LARGE1: variants seen among roughly 807,000 people sequenced by gnomAD.
The protein encoded by LARGE1 is LARGE xylosyl- and glucuronyltransferase 1.
LARGE1 carries 43 observed loss-of-function variants against 87.6 expected under a neutral mutation model. The observed-to-expected ratio is 0.49, with a 90% CI of 0.38 to 0.63. The LOEUF (loss-of-function observed/expected upper bound fraction) is 0.63, where lower values mean the gene tolerates loss of function less well. Among genes scored for constraint, LARGE1 ranks in the 30% least tolerant of loss-of-function variants. The pLI is 0.00. For missense variants in LARGE1, 802 were observed against 1,000.2 expected (o/e 0.80, Z 2.67); for synonymous variants, 434 against 394.6 (o/e 1.10, Z -1.18).
intron 2 of LARGE1, among the ~76,000 whole-genome samples, chr22:33,659,968 G>C (rs1348361829): frequency 6.6e-6 from 1 of 151,968 alleles, no homozygotes; most frequent in Admixed American, 6.6e-5. Context: ...CTATACCTGG[G>C]TTTAGACTAC....
intron 1 of LARGE1, among the ~76,000 whole-genome samples, chr22:33,794,888 G>A (rs1370024099): frequency 6.7e-6 from 1 of 149,712 alleles, no homozygotes; most frequent in Non-Finnish European, 1.5e-5. Context: ...CCAAAGTGCT[G>A]GGATTACCAT....
At chr22:33,402,354 C>T (rs149904471) in intron 7 of LARGE1, among the ~76,000 whole-genome samples, 571 of 152,272 alleles carry the variant, frequency 3.7e-3, no homozygotes, top group Non-Finnish European at 6.0e-3. Context: ...GGTCAGGAAG[C>T]TTATGCAGTG....
intron 1 of LARGE1, among the ~76,000 whole-genome samples, chr22:33,851,208 T>C (rs1231135512): frequency 1.3e-5 from 2 of 152,190 alleles, no homozygotes; most frequent in Non-Finnish European, 1.5e-5. Context: ...ACCTAACAAT[T>C]GGACTTGTTA....
At chr22:33,115,004 G>A in the LARGE1 span, among the ~76,000 whole-genome samples, 1 of 152,038 alleles carries the variant, frequency 6.6e-6, no homozygotes, top group Admixed American at 6.6e-5. Context: ...CTATGTGAAG[G>A]GTCTTGGTGT....
chr22:33,504,141 C>A (rs1474868117), intron 6 of LARGE1, among the ~76,000 whole-genome samples: 1 of 152,206 alleles, frequency 6.6e-6, no homozygotes, highest in Admixed American at 6.5e-5. Context: ...TGAGGACTGG[C>A]TGCTAATGGA....
At chr22:33,593,596 T>C (rs2078903486) in intron 5 of LARGE1, among the ~76,000 whole-genome samples, 1 of 152,294 alleles carries the variant, frequency 6.6e-6, no homozygotes, top group East Asian at 1.9e-4. Flanking sequence ...TTCCATACCT[T>C]GTCCACAGCC....
intron 5 of LARGE1, among the ~76,000 whole-genome samples, chr22:33,594,584 C>A (rs746517122): frequency 5.9e-5 from 9 of 152,148 alleles, no homozygotes; most frequent in Non-Finnish European, 1.3e-4. Flanking sequence ...GTCATTATAA[C>A]CACACTCTTG....
chr22:33,814,803 A>G (rs2086602216), intron 1 of LARGE1, among the ~76,000 whole-genome samples: 1 of 152,112 alleles, frequency 6.6e-6, no homozygotes. Flanking sequence ...ACCCTGACTG[A>G]TACTAACATA....
intron 11 of LARGE1, among the ~76,000 whole-genome samples, chr22:33,229,565 A>G (rs1158728567): frequency 6.6e-6 from 1 of 152,188 alleles, no homozygotes; most frequent in East Asian, 1.9e-4. Context: ...GTAAACTGGA[A>G]GATAAACATA....
the LARGE1 span, among the ~76,000 whole-genome samples, chr22:33,109,630 T>A: frequency 2.0e-5 from 3 of 152,336 alleles, no homozygotes; most frequent in African/African-American, 7.2e-5. Flanking sequence ...CACTTATGGA[T>A]ATAGTTTCAA....
intron 2 of LARGE1, among the ~76,000 whole-genome samples, chr22:33,719,712 G>A (rs752906036): frequency 6.6e-6 from 1 of 151,864 alleles, no homozygotes; most frequent in African/African-American, 2.4e-5. Context: ...AGTAGAGATG[G>A]GGTTTCACCA....
Position 33,490,627 on chromosome 22 carries a change from T to C in LARGE1, c.788-58362A>G, listed in dbSNP as rs144446879. On this transcript the variant is annotated intron_variant, in intron 6 of 14. Transcript: ENST00000397394. ...TCCAACTAGAGTCAGATCAATCTGATAGTGGATGCCATAGTACCTGGGAAT... is the reference window on the plus strand; with the variant it reads ...TCCAACTAGAGTCAGATCAATCTGACAGTGGATGCCATAGTACCTGGGAAT... 3.3e-5 allele frequency among the ~76,000 whole-genome samples: 5 copies of C among 152,334 alleles called. No individual in the cohort carries two copies. In the South Asian group the frequency reaches 8.3e-4, roughly 25 times the overall value.
intron 2 of LARGE1, among the ~76,000 whole-genome samples, chr22:33,744,648 T>G (rs537602631): frequency 6.6e-6 from 1 of 152,330 alleles, no homozygotes; most frequent in South Asian, 2.1e-4. Flanking sequence ...GGGGACACAC[T>G]TGGACTTCTG....
At chr22:33,115,428 C>G in the LARGE1 span, among the ~76,000 whole-genome samples, 2 of 145,050 alleles carry the variant, frequency 1.4e-5, no homozygotes, top group South Asian at 4.4e-4. Context: ...CCTGCCTGGG[C>G]GATAGAGTGA....
downstream of LARGE1, among the ~76,000 whole-genome samples, chr22:33,268,760 T>C (rs755188700): frequency 6.6e-6 from 1 of 152,102 alleles, no homozygotes; most frequent in Non-Finnish European, 1.5e-5. Flanking sequence ...AGGTAGAAAA[T>C]AATCACTTTC....
rs1384925054 is a variant in LARGE1, at chr22:33,285,691, C to A, written c.1731-2343G>T. On this transcript the variant is annotated intron_variant, in intron 12 of 14. Coordinates refer to ENST00000397394, the MANE Select transcript of LARGE1 (RefSeq NM_133642.5). ...GCTGTATTATTAAAGTCACTTCACT[C>A]AACCAGACGTTGAGCCTGTGCATTA... Among the ~76,000 whole-genome samples, 6 of 152,244 alleles carry A rather than the reference C, an allele frequency of 3.9e-5. No individual in the cohort carries two copies. In the East Asian group the frequency reaches 1.2e-3, roughly 29 times the overall value.
At chr22:33,429,233 A>G (rs2066995126) in intron 7 of LARGE1, among the ~76,000 whole-genome samples, 1 of 152,180 alleles carries the variant, frequency 6.6e-6, no homozygotes, top group Admixed American at 6.5e-5. Context: ...CCTTGGTTTT[A>G]AAGCGACACA....
At chr22:33,799,214 C>T (rs1390651452) in intron 1 of LARGE1, among the ~76,000 whole-genome samples, 3 of 152,010 alleles carry the variant, frequency 2.0e-5, no homozygotes, top group Non-Finnish European at 4.4e-5. Context: ...CCTGCAATCC[C>T]GTGGGTAGGA....
intron 2 of LARGE1, among the ~76,000 whole-genome samples, chr22:33,671,578 C>T (rs181848582): frequency 2.6e-4 from 40 of 152,254 alleles, no homozygotes; most frequent in African/African-American, 8.2e-4. Context: ...GAGCTAGAAC[C>T]GTTCATTCTC....
Sources: allele counts gnomAD v4.1 joint callset (sites outside exome capture counted in the v4.1 genomes callset), GRCh38; gene constraint gnomAD v4.1.1; transcripts MANE v1.5; gene names NCBI Gene and HGNC (gene_info 2026-07-23, HGNC 2026-07-21).